Variants in LRRFIP1 observed in about 807,000 individuals in gnomAD.
LRRFIP1 encodes the protein LRR binding FLII interacting protein 1, also known as leucine-rich repeat flightless-interacting protein 1.
A neutral mutation model predicts 104.4 loss-of-function variants in LRRFIP1; 62 were observed. The observed-to-expected ratio is 0.59, with a 90% CI of 0.48 to 0.73. The LOEUF (loss-of-function observed/expected upper bound fraction) is 0.73. LRRFIP1 is among the 30% of genes least tolerant of loss of function. The pLI is 0.00. For missense variants in LRRFIP1, 796 were observed against 824.5 expected (o/e 0.97, Z 0.42); for synonymous variants, 300 against 299.0 (o/e 1.00, Z -0.03).
intron 19 of LRRFIP1, 189 bp from the exon 20 acceptor site, chr2:237,769,754 T>C (rs2060464700): frequency 3.5e-6 from 2 of 572,976 alleles, no homozygotes; most frequent in Non-Finnish European, 6.3e-6. Flanking sequence ...TTCTGGGAGG[T>C]TGACCCAACC....
chr2:237,709,843 T>C (rs1015382358), intron 2 of LRRFIP1, among the ~76,000 whole-genome samples: 1 of 152,194 alleles, frequency 6.6e-6, no homozygotes, highest in East Asian at 1.9e-4. Flanking sequence ...TTTTTAAATA[T>C]GTATATGTAT....
chr2:237,684,743 G>A (rs139194647), intron 1 of LRRFIP1, among the ~76,000 whole-genome samples: 5 of 152,002 alleles, frequency 3.3e-5, no homozygotes, highest in Admixed American at 6.6e-5. Flanking sequence ...TTTAGCTGTC[G>A]TGTTTTTAGA....
At position 237,691,274 on chromosome 2, in the gene LRRFIP1, T is replaced by C. The variant is rs751796020; in HGVS notation, c.97-17270T>C. Reference sequence around the variant, plus strand: ...CCCAGCCTGGCGAGGTCGGGAACCGTTTCCCGCAGGACTTTCATTGGGAGT... The same window carrying C: ...CCCAGCCTGGCGAGGTCGGGAACCGCTTCCCGCAGGACTTTCATTGGGAGT... On this transcript the variant is annotated intron_variant, in intron 1 of 23. Coordinates refer to ENST00000308482, the MANE Select transcript of LRRFIP1 (RefSeq NM_001137550.2). This position sits in a 1 kb window ranked among gnomAD's most constrained non-coding sequence, Gnocchi z 5.4. Among the ~76,000 whole-genome samples the C allele has an allele frequency of 1.2e-4, 19 of 152,138 alleles. No individual in the cohort carries two copies. Among genetic ancestry groups the C allele is most frequent in the Non-Finnish European group, 2.5e-4 (17 of 68,010 alleles).
At chr2:237,641,238 G>A (rs1485011453) in intron 1 of LRRFIP1, among the ~76,000 whole-genome samples, 2 of 149,590 alleles carry the variant, frequency 1.3e-5, no homozygotes, top group Admixed American at 6.7e-5. Flanking sequence ...AAGGCCAGGT[G>A]CAGTGGCTTA....
intron 1 of LRRFIP1, among the ~76,000 whole-genome samples, chr2:237,629,976 G>A (rs114837606): frequency 0.017 from 2,607 of 152,178 alleles, 72 homozygotes; most frequent in African/African-American, 0.059. Context: ...CTCTTCTCTG[G>A]GCCTCTGTTT....
rs191536105 is a variant in LRRFIP1, at chr2:237,672,509, G to T, written c.97-36035G>T. On this transcript the variant is annotated intron_variant, in intron 1 of 23. Coordinates refer to ENST00000308482, the MANE Select transcript of LRRFIP1 (RefSeq NM_001137550.2). ...AGAGAGTCAGAGTTTTGTGTTCAAT[G>T]AAAATTTAATATTTGAAAAATAAAA... is the stretch of plus-strand genomic sequence containing the variant. 2.2e-3 allele frequency among the ~76,000 whole-genome samples: 339 copies of T among 152,268 alleles called. 2 individuals carry two copies. The highest frequency in any genetic ancestry group is 7.9e-3 in the African/African-American group (328 of 41,556).
chr2:237,744,076 CA>C lies in LRRFIP1; in HGVS notation c.634-4287del, dbSNP rs545448222. The stretch of plus-strand genomic sequence containing the variant: ...TCATGTTTTTTGTTGCACAAAGAGG[CA>C]GGGGCAGGGACCAGGTGGAAAAACG... On this transcript the variant is annotated intron_variant, in intron 11 of 23. Coordinates refer to ENST00000308482, the MANE Select transcript of LRRFIP1 (RefSeq NM_001137550.2). Among the ~76,000 whole-genome samples the C allele has an allele frequency of 2.8e-4, 42 of 152,254 alleles. No individual in the cohort carries two copies. The South Asian group carries it at 8.1e-3, about 29-fold the overall frequency.
chr2:237,666,133 C>A (rs565227981), intron 1 of LRRFIP1, among the ~76,000 whole-genome samples: 4 of 152,196 alleles, frequency 2.6e-5, no homozygotes, highest in African/African-American at 9.7e-5. Context: ...GGGTCTAATA[C>A]GTGGGCTTGT....
At chr2:237,666,142 G>A (rs1255376073) in intron 1 of LRRFIP1, among the ~76,000 whole-genome samples, 1 of 152,212 alleles carries the variant, frequency 6.6e-6, no homozygotes, top group African/African-American at 2.4e-5. Flanking sequence ...ACGTGGGCTT[G>A]TTTTAAGAAT....
chr2:237,753,520 G>C (rs376208931), intron 15 of LRRFIP1, 41 bp downstream of exon 15: 30 of 1,488,908 alleles, frequency 2.0e-5, no homozygotes, highest in Non-Finnish European at 2.1e-5. Flanking sequence ...AATAGGCTGC[G>C]TGCAGTGGCC....
chr2:237,721,223 A>G (rs1408882201), intron 6 of LRRFIP1: 1 of 174,908 alleles, frequency 5.7e-6, no homozygotes, highest in African/African-American at 2.4e-5. Flanking sequence ...CTATTAAAGT[A>G]GCTGTAAGTT....
chr2:237,772,855 T>C lies in LRRFIP1; in HGVS notation c.1628-11T>C. ...GAGCTTAACAGATTTTCCTTCTCTT[T>C]CAACCTTTAGGGGATGCCAACAGAC... On this transcript the variant is annotated splice_polypyrimidine_tract_variant and intron_variant, in intron 21 of 23. Transcript: ENST00000308482. The C allele has an allele frequency of 1.9e-6, 3 of 1,605,186 alleles. No individual in the cohort carries two copies. The highest frequency in any genetic ancestry group is 2.6e-6 in the Non-Finnish European group (3 of 1,172,358).
rs1001598318 is a variant in LRRFIP1, at chr2:237,776,547, T to G, written c.1812+2085T>G. On this transcript the variant is annotated intron_variant, in intron 23 of 23. Coordinates refer to ENST00000308482, the MANE Select transcript of LRRFIP1 (RefSeq NM_001137550.2). ...GTCAAGCTCTTCCAAAAGATGATGG[T>G]GGATTTATCTCATTCTCCCTATTTC... Among the ~76,000 whole-genome samples, 9 of 152,316 alleles carry G rather than the reference T, an allele frequency of 5.9e-5. No homozygotes were observed. The South Asian group carries it at 1.0e-3, about 18-fold the overall frequency.
intron 19 of LRRFIP1, 142 bp downstream of exon 19, chr2:237,760,347 T>C (rs2059729967): frequency 4.1e-6 from 4 of 986,468 alleles, no homozygotes; most frequent in African/African-American, 1.6e-5. Flanking sequence ...TTCATGGTAA[T>C]TTCCTTGCCC....
At chr2:237,653,735 T>C (rs904071772) in intron 1 of LRRFIP1, among the ~76,000 whole-genome samples, 1 of 152,144 alleles carries the variant, frequency 6.6e-6, no homozygotes, top group African/African-American at 2.4e-5. Flanking sequence ...TTGACACAGT[T>C]GCCAAGATCA....
intron 15 of LRRFIP1, among the ~76,000 whole-genome samples, chr2:237,755,208 G>A (rs2059127054): frequency 6.6e-6 from 1 of 152,200 alleles, no homozygotes; most frequent in African/African-American, 2.4e-5. Flanking sequence ...CAGCTTCCTG[G>A]GCTGAGCCTC....
chr2:237,664,286 C>A (rs1464266296), intron 1 of LRRFIP1, among the ~76,000 whole-genome samples: 1 of 152,250 alleles, frequency 6.6e-6, no homozygotes. Flanking sequence ...AAGAGGCCGG[C>A]GGCGTTCTCC....
chr2:237,680,601 C>A (rs1559529451), intron 1 of LRRFIP1, among the ~76,000 whole-genome samples: 2 of 152,182 alleles, frequency 1.3e-5, no homozygotes, highest in South Asian at 2.1e-4. Context: ...GTCCTAGAAC[C>A]AATGCCCCTT....
intron 2 of LRRFIP1, among the ~76,000 whole-genome samples, chr2:237,713,006 C>G (rs140912724): frequency 1.3e-5 from 2 of 152,088 alleles, no homozygotes; most frequent in Non-Finnish European, 2.9e-5. Flanking sequence ...CTGTTTTCAT[C>G]GGGGTCACAA....
Sources: allele counts gnomAD v4.1 joint callset (sites outside exome capture counted in the v4.1 genomes callset), GRCh38; gene constraint gnomAD v4.1.1; non-coding constraint Gnocchi (gnomAD v3.1); transcripts MANE v1.5; gene names NCBI Gene and HGNC (gene_info 2026-07-23, HGNC 2026-07-21).